Variants in RRP36 observed in about 807,000 individuals in gnomAD.
RRP36 encodes the protein ribosomal RNA processing 36.
Under a neutral mutation model 39.8 loss-of-function variants are expected in RRP36, and 44 were observed. The observed-to-expected ratio is 1.10, with a 90% CI of 0.87 to 1.42. The LOEUF (loss-of-function observed/expected upper bound fraction) is 1.42. RRP36 is among the 40% of genes most tolerant of loss of function. The pLI, the probability that RRP36 is intolerant of heterozygous loss-of-function variation, is 0.00. For missense variants in RRP36, 316 were observed against 322.4 expected (o/e 0.98, Z 0.15); for synonymous variants, 124 against 123.1 (o/e 1.01, Z -0.05).
intron 1 of RRP36, among the ~76,000 whole-genome samples, chr6:43,022,357 C>T (rs893874553): frequency 5.9e-5 from 9 of 152,098 alleles, no homozygotes. Context: ...CTCAGCCTCC[C>T]AAAGTGCTGG....
chr6:43,026,699 T>C (rs962697995), intron 4 of RRP36, among the ~76,000 whole-genome samples: 1 of 151,670 alleles, frequency 6.6e-6, no homozygotes, highest in Non-Finnish European at 1.5e-5. Context: ...CTTGGTGTTA[T>C]CAAGTTAATA....
chr6:43,021,741 C>T lies in RRP36; in HGVS notation c.87C>T (p.Gly29=). Residue 29 remains glycine (G), a synonymous_variant, in exon 1 of 7, where the codon GGC becomes GGT. Coordinates refer to ENST00000244496, the MANE Select transcript of RRP36 (RefSeq NM_033112.4). ...GGGCCCGGGACCGCGAGGAGGACGG[C>T]GGGGGCCTGGAGCCCGCGGCCGTGG... ...PRGARDREED[G]GGLEPAAVAR... is the part of the protein sequence containing the mutation. 9.8e-7 allele frequency: 1 copy of T among 1,016,136 alleles called. No individual in the cohort carries two copies. The highest frequency in any genetic ancestry group is 1.2e-6 in the Non-Finnish European group (1 of 851,330). 62.9% of individuals were successfully genotyped at this position (1,016,136 alleles called of 1,614,324 possible).
chr6:43,022,788 C>T (rs1416664281), intron 1 of RRP36, among the ~76,000 whole-genome samples: 3 of 151,908 alleles, frequency 2.0e-5, no homozygotes, highest in East Asian at 1.9e-4. Context: ...CCCGCCACCA[C>T]GCCCGGCTAA....
rs771063714 is a variant in RRP36, at chr6:43,021,666, T to A, written c.12T>A (p.Ala4=). Residue 4 remains alanine, a synonymous_variant, in exon 1 of 7, where the codon GCT becomes GCA. Coordinates refer to ENST00000244496, the MANE Select transcript of RRP36 (RefSeq NM_033112.4). ...GCTACTGCCAGCTGATGCCGGGAGC[T>A]AACTACCGCGCCGGGGCCGGGGCCG... The part of the protein sequence containing the change: MPG[A]NYRAGAGAGA... The A allele has an allele frequency of 7.9e-7, 1 of 1,267,460 alleles. No homozygotes were observed. Among genetic ancestry groups the A allele is most frequent in the Non-Finnish European group, 9.9e-7 (1 of 1,008,996 alleles). The allele number at this position is 1,267,460 out of a possible 1,614,324, so 78.5% of individuals were successfully genotyped here. A position where few individuals can be genotyped will look rare whatever the true frequency, so the allele number is the denominator to read the frequency against.
In RRP36 at chr6:43,029,235, A is replaced by T. The variant is rs1762871369; in HGVS notation, c.*7A>T. The T allele has an allele frequency of 6.2e-7, 1 of 1,613,838 alleles. No individual in the cohort carries two copies. Among genetic ancestry groups the T allele is most frequent in the African/African-American group, 1.3e-5 (1 of 74,920 alleles). On this transcript the variant is annotated 3_prime_UTR_variant, in exon 7 of 7. Coordinates refer to ENST00000244496, the MANE Select transcript of RRP36 (RefSeq NM_033112.4). ...CCCTTTGAGCAAAGAGTAATAAGGAACTATCCTCTGCTCTGCCACTGCCCC... is the reference window on the plus strand; with the variant it reads ...CCCTTTGAGCAAAGAGTAATAAGGATCTATCCTCTGCTCTGCCACTGCCCC...
At chr6:43,025,945 AAAAG>A (rs1340320066) in intron 3 of RRP36, 88 bp from the exon 4 acceptor site, 6 of 968,962 alleles carry the variant, frequency 6.2e-6, no homozygotes, top group Admixed American at 4.8e-5. Flanking sequence ...AAAGCAAAAA[AAAAG>A]AAAGATGAGG....
intron 6 of RRP36, among the ~76,000 whole-genome samples, chr6:43,027,761 C>CTACA (rs1762842264): frequency 1.3e-5 from 1 of 75,906 alleles, no homozygotes; most frequent in Non-Finnish European, 2.3e-5. Context: ...TTGGTCTACA[C>CTACA]TACACACACA....
Position 43,025,340 on chromosome 6 carries a change from A to G in RRP36, c.345+11A>G, listed in dbSNP as rs769168401. ...CCCATTAGTAAAAAGGTAAGGAAGA[A>G]GGCCAGGCACTGTGGCTCACGCCTG... On this transcript the variant is annotated intron_variant, in intron 3 of 6. Transcript: ENST00000244496. The G allele has an allele frequency of 6.2e-7, 1 of 1,612,392 alleles. No individual in the cohort carries two copies.
At chr6:43,028,630 AGAGT>A (rs1421947731) in intron 6 of RRP36, among the ~76,000 whole-genome samples, 2 of 149,086 alleles carry the variant, frequency 1.3e-5, no homozygotes, top group Non-Finnish European at 3.0e-5. Flanking sequence ...CCTGGGTGAC[AGAGT>A]GAGACTCCAT....
chr6:43,024,269 G>A (rs570080980), intron 1 of RRP36, among the ~76,000 whole-genome samples: 6 of 152,084 alleles, frequency 3.9e-5, no homozygotes, highest in African/African-American at 1.4e-4. Flanking sequence ...TGGGGGAAGT[G>A]TACCAAGCAG....
At position 43,025,047 on chromosome 6, in the gene RRP36, T is replaced by C. The variant is rs780334417; in HGVS notation, c.193T>C (p.Tyr65His). Residue 65 changes from tyrosine (Y) to histidine (H), a missense_variant, in exon 2 of 7, where the codon TAC (tyrosine) becomes CAC (histidine). Transcript: ENST00000244496. ...GCAGAGCCAAGTGGGGACTAAGACGTACAAACAATTGGTAGCTGGAAATAG... is the reference window on the plus strand; with the variant it reads ...GCAGAGCCAAGTGGGGACTAAGACGCACAAACAATTGGTAGCTGGAAATAG... ...ELQSQVGTKT[Y>H]KQLVAGNSPK... 1 of 1,614,234 alleles carries C rather than the reference T, an allele frequency of 6.2e-7. No individual in the cohort carries two copies. Among genetic ancestry groups the C allele is most frequent in the Non-Finnish European group, 8.5e-7 (1 of 1,180,048 alleles).
Position 43,027,456 on chromosome 6 carries a change from C to A in RRP36, c.622C>A (p.Arg208=). Reference sequence around the variant, plus strand: ...TCGGGCTCAGGCCCAGCAGGGCCATCGGCCATACTTCCTGAAAAAATGTGA... The same window carrying A: ...TCGGGCTCAGGCCCAGCAGGGCCATAGGCCATACTTCCTGAAAAAATGTGA... ...ERRAQAQQGH[R]PYFLKKSEQR... Residue 208 remains arginine (R), a synonymous_variant, in exon 6 of 7, where the codon CGG becomes AGG. Transcript: ENST00000244496. 6.2e-7 allele frequency: 1 copy of A among 1,613,770 alleles called. No individual in the cohort carries two copies. The highest frequency in any genetic ancestry group is 8.5e-7 in the Non-Finnish European group (1 of 1,179,800).
chr6:43,026,482 G>T (rs143826345), intron 4 of RRP36, among the ~76,000 whole-genome samples: 1,851 of 152,054 alleles, frequency 0.012, 20 homozygotes, highest in Middle Eastern at 0.044. Flanking sequence ...AGACCAGCCT[G>T]GCCAACATGG....
In RRP36 at chr6:43,021,666, T is replaced by C; in HGVS notation, c.12T>C (p.Ala4=). ...GCTACTGCCAGCTGATGCCGGGAGC[T>C]AACTACCGCGCCGGGGCCGGGGCCG... MPG[A]NYRAGAGAGA... is the part of the protein sequence containing the mutation. Residue 4 remains alanine, a synonymous_variant, in exon 1 of 7, where the codon GCT becomes GCC. Coordinates refer to ENST00000244496, the MANE Select transcript of RRP36 (RefSeq NM_033112.4). The C allele has an allele frequency of 3.2e-6, 4 of 1,267,460 alleles. No individual in the cohort carries two copies. Among genetic ancestry groups the C allele is most frequent in the Non-Finnish European group, 4.0e-6 (4 of 1,008,996 alleles). 78.5% of individuals were successfully genotyped at this position (1,267,460 alleles called of 1,614,324 possible). A position where few individuals can be genotyped will look rare whatever the true frequency, so the allele number is the denominator to read the frequency against.
chr6:43,023,741 C>T (rs964805631), intron 1 of RRP36, among the ~76,000 whole-genome samples: 3 of 151,570 alleles, frequency 2.0e-5, no homozygotes, highest in Non-Finnish European at 2.9e-5. Flanking sequence ...CATTAAAAGG[C>T]AATAAAACAC....
At position 43,029,401 on chromosome 6, in the gene RRP36, G is replaced by A; in HGVS notation, c.*173G>A. ...CTATCCCTAGGGCTACACAAGAATAGTTCAGCCTTCTGCCATGCCACACAG... is the reference window on the plus strand; with the variant it reads ...CTATCCCTAGGGCTACACAAGAATAATTCAGCCTTCTGCCATGCCACACAG... On this transcript the variant is annotated 3_prime_UTR_variant, in exon 7 of 7. Transcript: ENST00000244496. 1.6e-6 allele frequency: 1 copy of A among 633,484 alleles called. No individual in the cohort carries two copies. Among genetic ancestry groups the A allele is most frequent in the East Asian group, 2.9e-5 (1 of 34,610 alleles). The allele number at this position is 633,484 out of a possible 1,614,324, so 39.2% of individuals were successfully genotyped here. A position where few individuals can be genotyped will look rare whatever the true frequency, so the allele number is the denominator to read the frequency against.
At position 43,021,800 on chromosome 6, in the gene RRP36, A is replaced by C; in HGVS notation, c.130+16A>C. The stretch of plus-strand genomic sequence containing the variant: ...CTATTGAGGGGTGAGGGCATGGGGC[A>C]GGGCGGGCTGGGGAGGGGAAGGAGA... On this transcript the variant is annotated intron_variant, in intron 1 of 6. Transcript: ENST00000244496. The C allele has an allele frequency of 7.7e-6, 2 of 261,098 alleles. No homozygotes were observed. The highest frequency in any genetic ancestry group is 1.1e-4 in the East Asian group (1 of 9,080). The allele number at this position is 261,098 out of a possible 1,614,324, so 16.2% of individuals were successfully genotyped here.
intron 3 of RRP36, among the ~76,000 whole-genome samples, chr6:43,025,592 C>T (rs539493170): frequency 2.3e-5 from 3 of 128,060 alleles, no homozygotes; most frequent in Non-Finnish European, 3.1e-5. Context: ...CACTGCCCTA[C>T]AGCCTGTGGG....
chr6:43,021,818 G>T, intron 1 of RRP36, 34 bp downstream of exon 1: 1 of 1,199,480 alleles, frequency 8.3e-7, no homozygotes, highest in Non-Finnish European at 1.0e-6. Context: ...CTGGGGAGGG[G>T]AAGGAGATTC....
Sources: allele counts gnomAD v4.1 joint callset (sites outside exome capture counted in the v4.1 genomes callset), GRCh38; gene constraint gnomAD v4.1.1; transcripts MANE v1.5; gene names NCBI Gene and HGNC (gene_info 2026-07-23, HGNC 2026-07-21).